HHAT: variants seen among roughly 807,000 people sequenced by gnomAD.
HHAT encodes the protein protein-cysteine N-palmitoyltransferase HHAT.
Under a neutral mutation model 70.8 loss-of-function variants are expected in HHAT, and 47 were observed. The observed-to-expected ratio is 0.66, with a 90% confidence interval of 0.53 to 0.85. The LOEUF (loss-of-function observed/expected upper bound fraction) is 0.85, where lower values mean the gene tolerates loss of function less well. HHAT is among the 40% of genes least tolerant of loss of function. The probability of loss-of-function intolerance (pLI) is 0.00; values close to 1 mark genes in which losing one functional copy is unlikely to be tolerated. For missense variants in HHAT, 609 were observed against 604.8 expected, an observed-to-expected ratio of 1.01 and a Z score of -0.07; for synonymous variants, 228 against 247.6, an observed-to-expected ratio of 0.92 and a Z score of 0.74.
chr1:210,593,397 G>A (rs1045080416), intron 10 of HHAT, among the ~76,000 whole-genome samples: 7 of 151,964 alleles, frequency 4.6e-5, no homozygotes, highest in African/African-American at 1.4e-4. Flanking sequence ...TTTGTTTCAA[G>A]GAGTTTTTCA....
At chr1:210,513,353 C>A (rs1265233505) in intron 9 of HHAT, among the ~76,000 whole-genome samples, 165 bp downstream of exon 9, 1 of 152,124 alleles carries the variant, frequency 6.6e-6, no homozygotes, top group African/African-American at 2.4e-5. Flanking sequence ...CCCAGAATCA[C>A]ACGATTAAAC....
At chr1:210,606,563 C>T (rs1217885964) in intron 10 of HHAT, among the ~76,000 whole-genome samples, 1 of 152,178 alleles carries the variant, frequency 6.6e-6, no homozygotes. Context: ...CTACCTGACT[C>T]ACTGCTCTTT....
At chr1:210,445,912 A>ATG (rs2093625590) in intron 7 of HHAT, among the ~76,000 whole-genome samples, 1 of 151,546 alleles carries the variant, frequency 6.6e-6, no homozygotes, top group Admixed American at 6.6e-5. Context: ...TTTAGGGTAC[A>ATG]TGTGCACAAC....
At chr1:210,406,628 A>G (rs1237162155) in intron 6 of HHAT, among the ~76,000 whole-genome samples, 3 of 152,124 alleles carry the variant, frequency 2.0e-5, no homozygotes, top group Non-Finnish European at 2.9e-5. Context: ...TCCTGAGGTC[A>G]GGCAATCTGC....
intron 11 of HHAT, among the ~76,000 whole-genome samples, chr1:210,648,638 A>G (rs181516100): frequency 7.1e-6 from 1 of 139,976 alleles, no homozygotes; most frequent in East Asian, 2.2e-4. Flanking sequence ...ATATACACTT[A>G]CTGTTAAAGC....
At chr1:210,582,971 G>T (rs927315618) in intron 9 of HHAT, among the ~76,000 whole-genome samples, 1 of 152,212 alleles carries the variant, frequency 6.6e-6, no homozygotes, top group African/African-American at 2.4e-5. Context: ...GGATGTTTCT[G>T]TGGAGACTGT....
intron 1 of HHAT, among the ~76,000 whole-genome samples, chr1:210,342,629 G>T (rs1266714663): frequency 6.6e-6 from 1 of 152,198 alleles, no homozygotes; most frequent in Non-Finnish European, 1.5e-5. Flanking sequence ...AGCTGATAAT[G>T]TTGGTGCAGG....
chr1:210,568,913 G>A lies in HHAT; in HGVS notation c.1044-18985G>A, dbSNP rs1655430203. Among the ~76,000 whole-genome samples, 6 of 152,120 alleles carry A rather than the reference G, an allele frequency of 3.9e-5. No homozygotes were observed. In the South Asian group the frequency reaches 1.2e-3, roughly 32 times the overall value. On this transcript the variant is annotated intron_variant, in intron 9 of 11. Coordinates refer to ENST00000261458, the MANE Select transcript of HHAT (RefSeq NM_018194.6). Reference sequence around the variant, plus strand: ...GGCCTGTGATTGGCATCAGAAATGGGGCTCAGTTTTGTGGGGACAAGTCCC... The same window carrying A: ...GGCCTGTGATTGGCATCAGAAATGGAGCTCAGTTTTGTGGGGACAAGTCCC...
chr1:210,510,466 G>A (rs1023613036), intron 8 of HHAT, among the ~76,000 whole-genome samples: 4 of 152,210 alleles, frequency 2.6e-5, no homozygotes, highest in African/African-American at 9.6e-5. Context: ...CTGAGACGGA[G>A]GAGGTGGGCG....
At chr1:210,424,695 G>T (rs1377482033) in intron 7 of HHAT, among the ~76,000 whole-genome samples, 4 of 151,866 alleles carry the variant, frequency 2.6e-5, no homozygotes. Context: ...CTTTTTTATG[G>T]CTGCATAGTA....
intron 9 of HHAT, among the ~76,000 whole-genome samples, chr1:210,555,457 C>T (rs1044340353): frequency 3.3e-5 from 5 of 152,134 alleles, no homozygotes; most frequent in African/African-American, 1.2e-4. Flanking sequence ...ACTGGGAAGT[C>T]CTGGAATTGG....
chr1:210,513,251 TG>T, intron 9 of HHAT, 63 bp downstream of exon 9: 1 of 862,574 alleles, frequency 1.2e-6, no homozygotes, highest in South Asian at 1.5e-5. Flanking sequence ...AAGATTGAAA[TG>T]GAAAATCTTT....
intron 9 of HHAT, among the ~76,000 whole-genome samples, chr1:210,553,122 G>C (rs1313566038): frequency 6.6e-6 from 1 of 152,214 alleles, no homozygotes; most frequent in Non-Finnish European, 1.5e-5. Context: ...GGGCCTTTAA[G>C]GGGAGAGGAA....
chr1:210,561,053 C>T (rs1474657755), intron 9 of HHAT, among the ~76,000 whole-genome samples: 1 of 152,084 alleles, frequency 6.6e-6, no homozygotes, highest in Non-Finnish European at 1.5e-5. Context: ...AAATGGTCAT[C>T]TCCTTTCCAG....
At chr1:210,456,724 G>T (rs947498378) in intron 7 of HHAT, among the ~76,000 whole-genome samples, 4 of 152,206 alleles carry the variant, frequency 2.6e-5, no homozygotes, top group Non-Finnish European at 4.4e-5. Flanking sequence ...GCTTCTCCCT[G>T]GTGGGGCTGC....
chr1:210,408,216 T>C (rs2092406994), intron 6 of HHAT, among the ~76,000 whole-genome samples: 3 of 152,218 alleles, frequency 2.0e-5, no homozygotes, highest in Non-Finnish European at 4.4e-5. Context: ...AGAGTCTGGC[T>C]CAGTTGCCCA....
chr1:210,440,956 T>C (rs1377582834), intron 7 of HHAT, among the ~76,000 whole-genome samples: 2 of 152,082 alleles, frequency 1.3e-5, no homozygotes, highest in Non-Finnish European at 2.9e-5. Context: ...GGAAAATGAG[T>C]AGCTCATAGA....
chr1:210,329,042 G>A lies in HHAT; in HGVS notation c.-106G>A. 7.0e-7 allele frequency: 1 copy of A among 1,432,140 alleles called. No homozygotes were observed. Among genetic ancestry groups the A allele is most frequent in the Non-Finnish European group, 9.1e-7 (1 of 1,095,214 alleles). 88.7% of individuals were successfully genotyped at this position (1,432,140 alleles called of 1,614,324 possible). ...CTGGGACTCGGAAGTGCCGAAAGAG[G>A]GGTGTTGGGAACTCGCGGCGCGCGT... On this transcript the variant is annotated 5_prime_UTR_variant, in exon 1 of 12. Coordinates refer to ENST00000261458, the MANE Select transcript of HHAT (RefSeq NM_018194.6).
chr1:210,387,515 G>A lies in HHAT; in HGVS notation c.207G>A (p.Gln69=), dbSNP rs755536753. 3.1e-6 allele frequency: 5 copies of A among 1,614,154 alleles called. No homozygotes were observed. The South Asian group carries it at 5.5e-5, about 18-fold the overall frequency. Residue 69 remains glutamine, a synonymous_variant, in exon 4 of 12, where the codon CAG becomes CAA. Coordinates refer to ENST00000261458, the MANE Select transcript of HHAT (RefSeq NM_018194.6). Reference sequence around the variant, plus strand: ...GCTTCTGGATGGAATGGGGGAAGCAGTGGCTGGTGTGGCTTCTCCTTGGCC... The same window carrying A: ...GCTTCTGGATGGAATGGGGGAAGCAATGGCTGGTGTGGCTTCTCCTTGGCC... The part of the protein sequence containing the change: ...EWSFWMEWGK[Q]WLVWLLLGHM...
Sources: allele counts gnomAD v4.1 joint callset (sites outside exome capture counted in the v4.1 genomes callset), GRCh38; gene constraint gnomAD v4.1.1; transcripts MANE v1.5; gene names NCBI Gene and HGNC (gene_info 2026-07-23, HGNC 2026-07-21).